The following DNAH1 variants were observed in gnomAD, a reference collection of about 807,000 sequenced individuals.
DNAH1 encodes axonemal beta dynein heavy chain 1.
In DNAH1, 327 loss-of-function variants were observed where a neutral mutation model predicts 484.3. The observed-to-expected ratio is 0.68, with a 90% CI of 0.62 to 0.74. The LOEUF (loss-of-function observed/expected upper bound fraction) is 0.74, where lower values mean the gene tolerates loss of function less well. Ranked by LOEUF, DNAH1 falls within the 30% of genes least tolerant of loss-of-function variation. The pLI is 0.00. For missense variants in DNAH1, 5,052 were observed against 5,546.8 expected, an observed-to-expected ratio of 0.91 and a Z score of 2.83; for synonymous variants, 2,192 against 2,191.9, an observed-to-expected ratio of 1.00 and a Z score of 0.00.
At chr3:52,332,472 C>T (rs1184972919) in intron 8 of DNAH1, 78 bp downstream of exon 8, 1 of 1,558,598 alleles carries the variant, frequency 6.4e-7, no homozygotes, top group African/African-American at 1.3e-5. Context: ...TGGTGCTACT[C>T]CAGGGTGGAG....
At chr3:52,366,932 C>T (rs1215552902) in intron 36 of DNAH1, 45 bp downstream of exon 36, 1 of 1,570,320 alleles carries the variant, frequency 6.4e-7, no homozygotes, top group Non-Finnish European at 8.7e-7. Context: ...GCTCCCAGAC[C>T]TCTGGAGGCT....
Position 52,396,984 on chromosome 3 carries a change from T to A in DNAH1, c.11727T>A (p.Pro3909=), listed in dbSNP as rs545558021. 1 of 1,612,688 alleles carries A rather than the reference T, an allele frequency of 6.2e-7. No individual in the cohort carries two copies. Among genetic ancestry groups the A allele is most frequent in the African/African-American group, 1.3e-5 (1 of 74,978 alleles). ...TCTACAACCCTGACGTGCTCTCCCC[T>A]GAGCACAGCTACAGCGCCTCGGGCA... ...EDFYNPDVLS[P]EHSYSASGIY... Residue 3909 remains proline, a synonymous_variant, in exon 73 of 78, where the codon CCT becomes CCA. Transcript: ENST00000420323.
rs994883733 is a variant in DNAH1, at chr3:52,368,149, TG to T, written c.5766-591del. Among the ~76,000 whole-genome samples the T allele has an allele frequency of 2.0e-5, 3 of 152,172 alleles. No homozygotes were observed. The highest frequency in any genetic ancestry group is 7.2e-5 in the African/African-American group (3 of 41,438). ...GTAACCAGACATTGCCTGGGGGTGG[TG>T]CAGGGAAGGAGCCTCAAGAGTGATC... On this transcript the variant is annotated intron_variant, in intron 36 of 77. Coordinates refer to ENST00000420323, the MANE Select transcript of DNAH1 (RefSeq NM_015512.5). The surrounding 1 kb of genome is among the most constrained non-coding windows in gnomAD (Gnocchi z 4.4).
chr3:52,369,182 C>T (rs1314839630), intron 37 of DNAH1, among the ~76,000 whole-genome samples: 1 of 152,166 alleles, frequency 6.6e-6, no homozygotes, highest in Non-Finnish European at 1.5e-5. Context: ...TTCTTTTGTG[C>T]TCGAGCCCAC....
At position 52,391,445 on chromosome 3, in the gene DNAH1, G is replaced by A. The variant is rs199974581; in HGVS notation, c.9894G>A (p.Thr3298=). The change falls in exon 63 of 78, where the codon ACG becomes ACA. Residue 3298 remains threonine, a splice_region_variant and synonymous_variant. Transcript: ENST00000420323. ...PALEPVLLKQ[T]YKQQGNTVLK... ...CCCACCGGTCCCACCCACCACAGAC[G>A]TACAAGCAGCAGGGAAACACGGTGC... is the stretch of plus-strand genomic sequence containing the variant. 55 of 1,608,972 alleles carry A rather than the reference G, an allele frequency of 3.4e-5. No individual in the cohort carries two copies. The highest frequency in any genetic ancestry group is 9.0e-5 in the East Asian group (4 of 44,574).
rs369985826 is a variant in DNAH1 at position 52,396,319 on chromosome 3, T to C, written c.11260-49T>C. 4.5e-5 allele frequency: 68 copies of C among 1,527,526 alleles called. No homozygotes were observed. In the African/African-American group the frequency reaches 7.8e-4, roughly 18 times the overall value. 94.6% of individuals were successfully genotyped at this position (1,527,526 alleles called of 1,614,324 possible). The stretch of plus-strand genomic sequence containing the variant: ...GGCAGGAGGGAGCCTGGTGTCAGGG[T>C]GGCCACCAGATATGGGTCTCAATGC... On this transcript the variant is annotated intron_variant, in intron 70 of 77. Coordinates refer to ENST00000420323, the MANE Select transcript of DNAH1 (RefSeq NM_015512.5).
At chr3:52,360,473 T>C in intron 28 of DNAH1, 49 bp downstream of exon 28, 1 of 1,508,318 alleles carries the variant, frequency 6.6e-7, no homozygotes, top group South Asian at 1.2e-5. Context: ...CTCCCTCTAG[T>C]TCTCTCTGGC....
intron 63 of DNAH1, 116 bp downstream of exon 63, chr3:52,391,719 A>G: frequency 1.6e-6 from 2 of 1,219,994 alleles, no homozygotes; most frequent in Non-Finnish European, 2.3e-6. Context: ...CAAAGTCTCC[A>G]CCAGTTTCAC....
rs762147542 is a variant in DNAH1 at position 52,392,575 on chromosome 3, G to T, written c.10164G>T (p.Lys3388Asn). ...ISNAKMRQELKDIEDQILYRL... is the reference protein window; with the variant it reads ...ISNAKMRQELNDIEDQILYRL... ...ATGCCAAGATGCGCCAGGAGCTGAA[G>T]GACATTGAGGACCAGATCCTGTACC... Residue 3388 changes from lysine to asparagine, a missense_variant, in exon 64 of 78, where the codon AAG becomes AAT. Lys to Asn is a moderately conservative substitution (Grantham distance 94). Transcript: ENST00000420323. 7.4e-6 allele frequency: 12 copies of T among 1,613,864 alleles called. No homozygotes were observed. Among genetic ancestry groups the T allele is most frequent in the Non-Finnish European group, 9.3e-6 (11 of 1,179,890 alleles).
chr3:52,370,319 TTGGTGCAACA>T (rs1257029328), intron 39 of DNAH1, 90 bp downstream of exon 39: 30 of 1,561,314 alleles, frequency 1.9e-5, no homozygotes, highest in Admixed American at 7.4e-5. Flanking sequence ...GAGAATTGGA[TTGGTGCAACA>T]TGGTGCAACA....
chr3:52,378,813 C>A, intron 47 of DNAH1, 33 bp downstream of exon 47: 6 of 1,611,786 alleles, frequency 3.7e-6, no homozygotes, highest in Non-Finnish European at 5.1e-6. Flanking sequence ...CCCCAGTGCC[C>A]ACACTGCTCT....
At position 52,355,011 on chromosome 3, in the gene DNAH1, G is replaced by C. The variant is rs1578130175; in HGVS notation, c.3649G>C (p.Glu1217Gln). Residue 1217 changes from glutamate to glutamine, a missense_variant, in exon 21 of 78, where the codon GAG becomes CAG. Physicochemically the swap from Glu to Gln is conservative, Grantham distance 29 (BLOSUM62 2). Around this residue, in one of 4 missense-constraint regions of DNAH1, gnomAD observed 2,929 missense variants for 3,409.4 expected, o/e 0.86. Transcript: ENST00000420323. The surrounding 1 kb of genome is among the most constrained non-coding windows in gnomAD (Gnocchi z 4.5). Reference sequence around the variant, plus strand: ...ATTTTCACCCTACAAGAAGCCCTTTGAGCAGCGCATCAACTCCTGGGAGAA... The same window carrying C: ...ATTTTCACCCTACAAGAAGCCCTTTCAGCAGCGCATCAACTCCTGGGAGAA... ...MSFSPYKKPF[E>Q]QRINSWENKL... 6.2e-7 allele frequency: 1 copy of C among 1,613,910 alleles called. No homozygotes were observed. The highest frequency in any genetic ancestry group is 8.5e-7 in the Non-Finnish European group (1 of 1,179,890).
chr3:52,327,009 C>A, intron 5 of DNAH1, 118 bp downstream of exon 5: 1 of 1,335,796 alleles, frequency 7.5e-7, no homozygotes, highest in Non-Finnish European at 1.0e-6. Context: ...ACACTCTTGT[C>A]AAACAGGGCA....
chr3:52,392,400 G>A, intron 63 of DNAH1, 64 bp from the exon 64 acceptor site: 3 of 1,488,916 alleles, frequency 2.0e-6, no homozygotes, highest in Non-Finnish European at 2.8e-6. Context: ...GGGTGACCAG[G>A]TTCACGACTA....
chr3:52,330,915 G>A (rs1382826632), intron 6 of DNAH1, among the ~76,000 whole-genome samples: 1 of 152,216 alleles, frequency 6.6e-6, no homozygotes, highest in African/African-American at 2.4e-5. Context: ...GAGCACCAGG[G>A]CAGAGAAGCC....
rs368356036 is a variant in DNAH1, at chr3:52,366,466, C to G, written c.5528C>G (p.Thr1843Arg). ...ATGCCATGTCCCCCAGGCTTCCTGA[C>G]AAAGTGCATCCAGCTCTACGAGACC... ...SNLKDVEGFL[T>R]KCIQLYETTV... The change falls in exon 35 of 78, where the codon ACA (threonine) becomes AGA (arginine). Residue 1843 changes from threonine to arginine, a missense_variant. Thr to Arg is a moderately conservative substitution (Grantham distance 71, BLOSUM62 -1). Around this residue, in one of 4 missense-constraint regions of DNAH1, gnomAD observed 2,929 missense variants for 3,409.4 expected, o/e 0.86. Transcript: ENST00000420323. 1 of 1,596,666 alleles carries G rather than the reference C, an allele frequency of 6.3e-7. No homozygotes were observed. Among genetic ancestry groups the G allele is most frequent in the Non-Finnish European group, 8.5e-7 (1 of 1,172,064 alleles).
At position 52,358,759 on chromosome 3, in the gene DNAH1, C is replaced by A. The variant is rs1410406439; in HGVS notation, c.4266+22C>A. On this transcript the variant is annotated intron_variant, in intron 25 of 77. Coordinates refer to ENST00000420323, the MANE Select transcript of DNAH1 (RefSeq NM_015512.5). The surrounding 1 kb of genome is among the most constrained non-coding windows in gnomAD (Gnocchi z 4.2). ...CACGGTGAGCCGCCCGCAGCCCGTG[C>A]AGCCTTCCACCCCTGCACCCCTCTG... 3.7e-6 allele frequency: 6 copies of A among 1,610,792 alleles called. No individual in the cohort carries two copies. The highest frequency in any genetic ancestry group is 5.1e-6 in the Non-Finnish European group (6 of 1,179,204).
At chr3:52,319,437 G>A (rs1701063902) in intron 1 of DNAH1, among the ~76,000 whole-genome samples, 1 of 152,234 alleles carries the variant, frequency 6.6e-6, no homozygotes, top group Non-Finnish European at 1.5e-5. Context: ...TCTGAGAAAT[G>A]AGGATACTCT....
intron 12 of DNAH1, among the ~76,000 whole-genome samples, 174 bp downstream of exon 12, chr3:52,348,148 C>T (rs1012577573): frequency 6.6e-6 from 1 of 152,244 alleles, no homozygotes; most frequent in Admixed American, 6.5e-5. Context: ...ACAAGCTGCA[C>T]TGTGACCTAT....
Sources: gnomAD v4.1 joint callset for allele counts (sites outside exome capture counted in the v4.1 genomes callset) on GRCh38, gnomAD v4.1.1 for gene constraint, gnomAD v4.1.1 regional missense constraint, Gnocchi (gnomAD v3.1) non-coding constraint, MANE v1.5 for transcripts, NCBI Gene and HGNC (gene_info 2026-07-23, HGNC 2026-07-21) for gene names.